VDAC1: variants seen among roughly 807,000 people sequenced by gnomAD.
VDAC1 encodes non-selective voltage-gated ion channel VDAC1.
In VDAC1, 10 loss-of-function variants were observed where a neutral mutation model predicts 34.7. That is an observed-to-expected ratio of 0.29 (90% CI 0.18 to 0.49). VDAC1 has a LOEUF of 0.49. Ranked by LOEUF, VDAC1 falls within the 20% of genes least tolerant of loss-of-function variation. The pLI, the probability that VDAC1 is intolerant of heterozygous loss-of-function variation, is 0.99. For missense variants in VDAC1, 230 were observed against 347.9 expected, an observed-to-expected ratio of 0.66 and a Z score of 2.69; for synonymous variants, 130 against 136.0, an observed-to-expected ratio of 0.96 and a Z score of 0.30.
intron 1 of VDAC1, among the ~76,000 whole-genome samples, chr5:133,993,581 A>G (rs1332753358): frequency 6.6e-6 from 1 of 152,196 alleles, no homozygotes; most frequent in Non-Finnish European, 1.5e-5. Flanking sequence ...CTTTATGGGA[A>G]CCCACTTCAT....
At chr5:134,070,312 T>C in the VDAC1 span, among the ~76,000 whole-genome samples, 1 of 152,094 alleles carries the variant, frequency 6.6e-6, no homozygotes, top group Admixed American at 6.5e-5. Context: ...CGGTTAATTT[T>C]TTTTATTTTT....
At chr5:134,018,230 C>T in the VDAC1 span, among the ~76,000 whole-genome samples, 1 of 152,198 alleles carries the variant, frequency 6.6e-6, no homozygotes, top group African/African-American at 2.4e-5. Context: ...GCAGGTACAT[C>T]ATGTGGCAAG....
At chr5:134,039,541 G>A in the VDAC1 span, among the ~76,000 whole-genome samples, 3 of 152,112 alleles carry the variant, frequency 2.0e-5, no homozygotes, top group Non-Finnish European at 4.4e-5. Context: ...GTGTTAGCCA[G>A]GATGGTCTCG....
chr5:133,988,303 G>T (rs1206665374), intron 5 of VDAC1, among the ~76,000 whole-genome samples: 1 of 151,978 alleles, frequency 6.6e-6, no homozygotes, highest in Admixed American at 6.6e-5. Flanking sequence ...AAAAAAAAAG[G>T]GGGGCAGGTG....
chr5:134,062,360 A>T, the VDAC1 span, among the ~76,000 whole-genome samples: 1 of 151,692 alleles, frequency 6.6e-6, no homozygotes, highest in Non-Finnish European at 1.5e-5. Context: ...TGAGATGATT[A>T]TATGATTGTT....
the VDAC1 span, among the ~76,000 whole-genome samples, chr5:134,016,182 T>C: frequency 1.3e-5 from 2 of 152,228 alleles, no homozygotes; most frequent in East Asian, 3.8e-4. Flanking sequence ...TCTTGCTGCA[T>C]AAGACAGATT....
upstream of VDAC1, among the ~76,000 whole-genome samples, chr5:134,008,171 G>A (rs1242284254): frequency 1.1e-5 from 1 of 87,476 alleles, no homozygotes; most frequent in Non-Finnish European, 2.3e-5. Flanking sequence ...TCCCCGCCCC[G>A]CAGGGATGGA....
intron 5 of VDAC1, among the ~76,000 whole-genome samples, chr5:133,982,506 C>T (rs1251563262): frequency 1.9e-4 from 27 of 141,454 alleles, no homozygotes; most frequent in African/African-American, 5.8e-4. Flanking sequence ...AGTAAGACTC[C>T]GTCTCAAAAA....
chr5:134,104,338 C>T, the VDAC1 span, among the ~76,000 whole-genome samples: 5 of 152,234 alleles, frequency 3.3e-5, no homozygotes, highest in Admixed American at 3.3e-4. Context: ...GTGCTGGCGG[C>T]TGCCCACAGT....
the VDAC1 span, among the ~76,000 whole-genome samples, chr5:134,066,695 G>A: frequency 6.6e-6 from 1 of 152,146 alleles, no homozygotes; most frequent in East Asian, 1.9e-4. Flanking sequence ...TCAATACACA[G>A]CTTCCATCTT....
At chr5:134,029,300 C>T in the VDAC1 span, among the ~76,000 whole-genome samples, 10 of 152,390 alleles carry the variant, frequency 6.6e-5, no homozygotes, top group African/African-American at 2.4e-4. Flanking sequence ...CACCCAAGAA[C>T]TCCTGACCTA....
chr5:134,016,130 G>A, the VDAC1 span, among the ~76,000 whole-genome samples: 199 of 152,292 alleles, frequency 1.3e-3, 1 homozygote, highest in African/African-American at 4.5e-3. Context: ...AAGGAGGCCG[G>A]GTGTGGTATT....
At chr5:134,090,280 C>A in the VDAC1 span, among the ~76,000 whole-genome samples, 4 of 152,316 alleles carry the variant, frequency 2.6e-5, no homozygotes, top group East Asian at 7.7e-4. Flanking sequence ...CACTGATGTT[C>A]TGCCCCCAAA....
the VDAC1 span, among the ~76,000 whole-genome samples, chr5:134,067,064 T>C: frequency 6.6e-6 from 1 of 152,038 alleles, no homozygotes; most frequent in African/African-American, 2.4e-5. Context: ...TGCTTTTGAT[T>C]GTTTTGATCA....
rs564433136 is a variant in VDAC1 at position 133,994,032 on chromosome 5, G to A, written c.-6-1014C>T. The stretch of plus-strand genomic sequence containing the variant: ...CTCAACCAGAAGGACCATTCCATTC[G>A]TTTTAAAATACAGTATACCTAAATT... On this transcript the variant is annotated intron_variant, in intron 1 of 8. Transcript: ENST00000265333. 2.6e-5 allele frequency among the ~76,000 whole-genome samples: 4 copies of A among 152,238 alleles called. No homozygotes were observed. In the East Asian group the frequency reaches 5.8e-4, roughly 22 times the overall value.
At chr5:133,976,567 C>T (rs537744481) in intron 6 of VDAC1, among the ~76,000 whole-genome samples, 12 of 151,520 alleles carry the variant, frequency 7.9e-5, no homozygotes, top group African/African-American at 2.7e-4. Flanking sequence ...GTAATCCTAG[C>T]ATTTTGGGAG....
the VDAC1 span, among the ~76,000 whole-genome samples, chr5:134,012,988 G>A: frequency 6.6e-6 from 1 of 152,088 alleles, no homozygotes; most frequent in African/African-American, 2.4e-5. Flanking sequence ...AATAAGCAAT[G>A]GGGAAAGGAC....
At chr5:134,057,590 G>A in the VDAC1 span, among the ~76,000 whole-genome samples, 3 of 151,530 alleles carry the variant, frequency 2.0e-5, no homozygotes, top group African/African-American at 7.3e-5. Flanking sequence ...TTGGGAGGCT[G>A]AGGCACAACA....
chr5:134,030,196 C>T, the VDAC1 span, among the ~76,000 whole-genome samples: 5 of 151,900 alleles, frequency 3.3e-5, no homozygotes, highest in South Asian at 2.1e-4. Context: ...CAAAATTAGC[C>T]GGGCGTGGTG....
Sources: allele counts gnomAD v4.1 joint callset (sites outside exome capture counted in the v4.1 genomes callset), GRCh38; gene constraint gnomAD v4.1.1; transcripts MANE v1.5; gene names NCBI Gene and HGNC (gene_info 2026-07-23, HGNC 2026-07-21).